CDH19: variants seen among roughly 807,000 people sequenced by gnomAD.
CDH19 encodes cadherin-19.
CDH19 carries 67 observed loss-of-function variants against 64.2 expected under a neutral mutation model. That is an observed-to-expected ratio of 1.04 (90% CI 0.86 to 1.28). CDH19 has a LOEUF of 1.28. CDH19 is among the 50% of genes most tolerant of loss of function. The pLI is 0.00. For synonymous variants in CDH19, 346 were observed against 319.3 expected (o/e 1.08, Z -0.89); for missense variants, 1,030 against 929.0 (o/e 1.11, Z -1.41).
chr18:66,523,578 T>C (rs1986084946), intron 9 of CDH19, among the ~76,000 whole-genome samples: 1 of 151,026 alleles, frequency 6.6e-6, no homozygotes, highest in Admixed American at 6.6e-5. Context: ...CCTCACTGCG[T>C]TGCCAGGTCT....
At chr18:66,554,691 A>AT (rs1488829366) in intron 3 of CDH19, among the ~76,000 whole-genome samples, 167 bp from the exon 4 acceptor site, 1 of 151,642 alleles carries the variant, frequency 6.6e-6, no homozygotes, top group Non-Finnish European at 1.5e-5. Flanking sequence ...GTTGTTTTTT[A>AT]TTTTTTTCAG....
intron 9 of CDH19, among the ~76,000 whole-genome samples, chr18:66,525,084 G>A (rs1202112081): frequency 1.3e-5 from 2 of 152,056 alleles, no homozygotes; most frequent in African/African-American, 2.4e-5. Flanking sequence ...TCCTAATGGT[G>A]TAGACATTTC....
chr18:66,597,537 C>T lies in CDH19; in HGVS notation c.-113+6417G>A, dbSNP rs151008316. ...TAGGAAATACTATTCTGGACATAGG[C>T]CCTGGCAAAGATTCCATAACAGACT... is the stretch of plus-strand genomic sequence containing the variant. On this transcript the variant is annotated intron_variant, in intron 1 of 11. Transcript: ENST00000262150. Among the ~76,000 whole-genome samples, 87 of 152,200 alleles carry T rather than the reference C, an allele frequency of 5.7e-4. 2 individuals are homozygous for T. Among genetic ancestry groups the T allele is most frequent in the African/African-American group, 2.0e-3 (83 of 41,542 alleles).
At chr18:66,602,431 C>G (rs1328114562) in intron 1 of CDH19, among the ~76,000 whole-genome samples, 1 of 151,860 alleles carries the variant, frequency 6.6e-6, no homozygotes, top group African/African-American at 2.4e-5. Flanking sequence ...TTTAAAGCAT[C>G]TTCAATTTAT....
chr18:66,518,263 C>T (rs1985824065), intron 9 of CDH19, among the ~76,000 whole-genome samples: 4 of 151,938 alleles, frequency 2.6e-5, no homozygotes, highest in African/African-American at 7.2e-5. Flanking sequence ...GATGGAGTTT[C>T]ACTCTTGTCA....
chr18:66,568,462 G>T lies in CDH19; in HGVS notation c.444C>A (p.Phe148Leu). The change falls in exon 3 of 12, where the codon TTC becomes TTA. Residue 148 changes from phenylalanine (F) to leucine (L), a missense_variant. Phe to Leu is a conservative substitution (Grantham distance 22). Transcript: ENST00000262150. ...VSDINDNEPKFLDEPYEAIVP... is the reference protein window; with the variant it reads ...VSDINDNEPKLLDEPYEAIVP... ...CAATGGCCTCATAAGGTTCATCTAG[G>T]AATTTTGGTTCATTGTCATTGATAT... 1 of 1,611,916 alleles carries T rather than the reference G, an allele frequency of 6.2e-7. No individual in the cohort carries two copies. Among genetic ancestry groups the T allele is most frequent in the Non-Finnish European group, 8.5e-7 (1 of 1,178,732 alleles).
At chr18:66,560,494 A>C (rs1987679407) in intron 3 of CDH19, among the ~76,000 whole-genome samples, 1 of 152,104 alleles carries the variant, frequency 6.6e-6, no homozygotes, top group Non-Finnish European at 1.5e-5. Flanking sequence ...TAAGAAAAAT[A>C]AGAATATAAA....
intron 8 of CDH19, among the ~76,000 whole-genome samples, chr18:66,534,695 TAAA>T (rs1986589861): frequency 6.6e-6 from 1 of 151,936 alleles, no homozygotes; most frequent in East Asian, 1.9e-4. Context: ...ATCATCCACC[TAAA>T]TAAACAAGCA....
intron 9 of CDH19, among the ~76,000 whole-genome samples, chr18:66,528,919 T>C (rs1349081999): frequency 6.6e-6 from 1 of 152,032 alleles, no homozygotes; most frequent in Non-Finnish European, 1.5e-5. Context: ...TCATGAACTC[T>C]AGACTGTAAA....
chr18:66,596,408 A>G (rs1425527828), intron 1 of CDH19: 1 of 152,166 alleles, frequency 6.6e-6, no homozygotes, highest in Admixed American at 6.5e-5. Context: ...TATACCTAGA[A>G]AAGTCTGCCC....
intron 5 of CDH19, among the ~76,000 whole-genome samples, chr18:66,549,746 C>T (rs917551250): frequency 1.3e-5 from 2 of 152,094 alleles, no homozygotes; most frequent in African/African-American, 4.8e-5. Context: ...GTTGGCTACA[C>T]TGAGTAGTTG....
At chr18:66,548,032 ATGTG>A (rs1200092744) in intron 5 of CDH19, among the ~76,000 whole-genome samples, 1 of 147,396 alleles carries the variant, frequency 6.8e-6, no homozygotes, top group Non-Finnish European at 1.5e-5. Context: ...TATACTATAT[ATGTG>A]TATTATATAT....
chr18:66,534,738 GT>G, intron 8 of CDH19, among the ~76,000 whole-genome samples: 1 of 151,812 alleles, frequency 6.6e-6, no homozygotes, highest in South Asian at 2.1e-4. Context: ...TTTGTATTTT[GT>G]TGTTTCCTCA....
At chr18:66,586,614 T>C (rs925446750) in intron 1 of CDH19, among the ~76,000 whole-genome samples, 1 of 151,304 alleles carries the variant, frequency 6.6e-6, no homozygotes, top group Non-Finnish European at 1.5e-5. Flanking sequence ...AGCACCTCTG[T>C]AGTACCATAT....
intron 5 of CDH19, among the ~76,000 whole-genome samples, chr18:66,548,245 TTATA>T (rs201306230): frequency 0.062 from 6,156 of 98,674 alleles, 381 homozygotes; most frequent in African/African-American, 0.21. Context: ...CTGAACCCCT[TTATA>T]TATATATATA....
At chr18:66,586,758 T>C (rs1988591028) in intron 1 of CDH19, among the ~76,000 whole-genome samples, 1 of 152,090 alleles carries the variant, frequency 6.6e-6, no homozygotes, top group Non-Finnish European at 1.5e-5. Context: ...TATTTAAATC[T>C]TGTCTGTGTA....
At chr18:66,600,572 T>C (rs1040487502) in intron 1 of CDH19, among the ~76,000 whole-genome samples, 1 of 151,940 alleles carries the variant, frequency 6.6e-6, no homozygotes, top group African/African-American at 2.4e-5. Flanking sequence ...TTTGTATCTT[T>C]AAAAATACTT....
Position 66,535,467 on chromosome 18 carries a change from T to C in CDH19, c.1215-360A>G, listed in dbSNP as rs577432412. On this transcript the variant is annotated intron_variant, in intron 7 of 11. Coordinates refer to ENST00000262150, the MANE Select transcript of CDH19 (RefSeq NM_021153.4). ...AATCTGTTCATTTTACTACAACTAC[T>C]TGGCTTGATATTTAACAAATGTTTT... Among the ~76,000 whole-genome samples, 89 of 151,400 alleles carry C rather than the reference T, an allele frequency of 5.9e-4. 2 individuals carry two copies. In the South Asian group the frequency reaches 0.018, roughly 31 times the overall value.
intron 3 of CDH19, among the ~76,000 whole-genome samples, chr18:66,567,151 T>C (rs746159822): frequency 6.6e-6 from 1 of 152,108 alleles, no homozygotes; most frequent in Non-Finnish European, 1.5e-5. Flanking sequence ...AAAATGTGTT[T>C]CATATTAGCA....
Sources: allele counts gnomAD v4.1 joint callset (sites outside exome capture counted in the v4.1 genomes callset), GRCh38; gene constraint gnomAD v4.1.1; transcripts MANE v1.5; gene names NCBI Gene and HGNC (gene_info 2026-07-23, HGNC 2026-07-21).